PRICKLE2: variants seen among roughly 807,000 people sequenced by gnomAD.
PRICKLE2 encodes the protein prickle-like protein 2.
PRICKLE2 carries 21 observed loss-of-function variants against 81.4 expected under a neutral mutation model. The ratio of observed to expected loss-of-function variants is 0.26; its 90% CI spans 0.18 to 0.37. The LOEUF (loss-of-function observed/expected upper bound fraction) is 0.37. PRICKLE2 is among the 10% of genes least tolerant of loss of function. The pLI is 1.00. For synonymous variants in PRICKLE2, 456 were observed against 421.5 expected, an observed-to-expected ratio of 1.08 and a Z score of -1.00; for missense variants, 940 against 1,109.0, an observed-to-expected ratio of 0.85 and a Z score of 2.16.
In PRICKLE2 at chr3:64,094,807, G is replaced by T. The variant is rs1444454724; in HGVS notation, c.*4244C>A. 2 of 152,782 alleles carry T rather than the reference G, an allele frequency of 1.3e-5. No homozygotes were observed. Among genetic ancestry groups the T allele is most frequent in the East Asian group, 1.9e-4 (1 of 5,182 alleles). 9.5% of individuals were successfully genotyped at this position (152,782 alleles called of 1,614,324 possible). On this transcript the variant is annotated 3_prime_UTR_variant, in exon 8 of 8. Coordinates refer to ENST00000638394, the MANE Select transcript of PRICKLE2 (RefSeq NM_198859.4). ...GTGCTTAAAGAAATGTACCTCAAAA[G>T]GTGGCGATCTGAAACTGCCTTCAAC...
chr3:64,155,860 C>T (rs145608724), intron 5 of PRICKLE2, among the ~76,000 whole-genome samples: 2 of 151,966 alleles, frequency 1.3e-5, no homozygotes, highest in East Asian at 3.9e-4. Context: ...TTGCCAGGGG[C>T]TAGGGAAAGG....
chr3:64,144,250 A>G (rs960061943), intron 7 of PRICKLE2, among the ~76,000 whole-genome samples: 3 of 152,262 alleles, frequency 2.0e-5, no homozygotes, highest in Admixed American at 2.0e-4. Context: ...TCATATGCAC[A>G]GGTTCAAATC....
chr3:64,227,255 G>A (rs2079044165), upstream of PRICKLE2, among the ~76,000 whole-genome samples: 1 of 152,132 alleles, frequency 6.6e-6, no homozygotes, highest in African/African-American at 2.4e-5. Context: ...AACTCAGAGC[G>A]TGTAGGGAGG....
intron 1 of PRICKLE2, among the ~76,000 whole-genome samples, chr3:64,202,037 T>C (rs2078590924): frequency 6.6e-6 from 1 of 152,224 alleles, no homozygotes. Flanking sequence ...AAAAATCTAC[T>C]GACCATAGCT....
At chr3:64,261,069 AGAGTGCTGAAATAATGTCTC>A (rs2079609186) in intron 2 of PRICKLE2, among the ~76,000 whole-genome samples, 1 of 152,192 alleles carries the variant, frequency 6.6e-6, no homozygotes, top group African/African-American at 2.4e-5. Context: ...TCACTTGTAC[AGAGTGCTGAAATAATGTCTC>A]ACTCCAAGGG....
intron 7 of PRICKLE2, among the ~76,000 whole-genome samples, chr3:64,114,103 G>A (rs1002449106): frequency 7.2e-5 from 11 of 152,004 alleles, no homozygotes; most frequent in Admixed American, 1.3e-4. Flanking sequence ...TTGGGAGCTG[G>A]GTGTTGGCCC....
chr3:64,234,423 T>C (rs2079151490), intron 2 of PRICKLE2, among the ~76,000 whole-genome samples: 1 of 152,214 alleles, frequency 6.6e-6, no homozygotes, highest in Non-Finnish European at 1.5e-5. Context: ...ATGTTAAACA[T>C]CTTTTCATAT....
chr3:64,182,387 T>A (rs1224930334), intron 2 of PRICKLE2, among the ~76,000 whole-genome samples: 1 of 151,700 alleles, frequency 6.6e-6, no homozygotes, highest in Non-Finnish European at 1.5e-5. Context: ...CCTGGGAGGC[T>A]GAGGTGGGAG....
At chr3:64,130,663 A>T (rs2077184119) in intron 7 of PRICKLE2, among the ~76,000 whole-genome samples, 1 of 152,204 alleles carries the variant, frequency 6.6e-6, no homozygotes, top group Admixed American at 6.5e-5. Context: ...GAAGCTGGAA[A>T]CACAGGCACC....
intron 7 of PRICKLE2, among the ~76,000 whole-genome samples, chr3:64,137,858 T>C (rs1353527364): frequency 6.6e-6 from 1 of 152,102 alleles, no homozygotes; most frequent in East Asian, 1.9e-4. Context: ...TCCTTGGGGA[T>C]CTATGGGACC....
intron 1 of PRICKLE2, among the ~76,000 whole-genome samples, chr3:64,207,651 A>G (rs114859055): frequency 2.1e-3 from 326 of 152,268 alleles, no homozygotes; most frequent in African/African-American, 7.6e-3. Context: ...ATGTAATGTA[A>G]AAGATACCTC....
intron 7 of PRICKLE2, chr3:64,105,924 G>C (rs1209448590): frequency 6.6e-6 from 1 of 152,214 alleles, no homozygotes; most frequent in East Asian, 1.9e-4. Flanking sequence ...GTGATGATTA[G>C]ATGAGGAAAA....
chr3:64,241,179 C>G (rs1400887473), intron 2 of PRICKLE2, among the ~76,000 whole-genome samples: 1 of 152,188 alleles, frequency 6.6e-6, no homozygotes, highest in African/African-American at 2.4e-5. Context: ...TCAAAACAGG[C>G]ACCTACAAGT....
chr3:64,220,013 A>G (rs1014345269), intron 1 of PRICKLE2, among the ~76,000 whole-genome samples: 1 of 152,246 alleles, frequency 6.6e-6, no homozygotes, highest in African/African-American at 2.4e-5. Flanking sequence ...TGTGACAGTT[A>G]TCATACATCC....
At chr3:64,149,484 G>A (rs1012303763) in intron 6 of PRICKLE2, among the ~76,000 whole-genome samples, 1 of 152,230 alleles carries the variant, frequency 6.6e-6, no homozygotes, top group African/African-American at 2.4e-5. Context: ...CCCTTCCCGT[G>A]GGGAGAGCCT....
At chr3:64,154,148 T>C (rs907620104) in intron 5 of PRICKLE2, 1 of 152,198 alleles carries the variant, frequency 6.6e-6, no homozygotes, top group African/African-American at 2.4e-5. Context: ...GACCATTCCA[T>C]GGGGAAAAGA....
intron 7 of PRICKLE2, among the ~76,000 whole-genome samples, chr3:64,107,109 T>A (rs929844932): frequency 6.6e-6 from 1 of 152,156 alleles, no homozygotes; most frequent in African/African-American, 2.4e-5. Context: ...CAAATGTCCA[T>A]GCACCACAGG....
rs1253636100 is a variant in PRICKLE2, at chr3:64,198,970, G to T, written c.-40-3C>A. 11 of 1,613,372 alleles carry T rather than the reference G, an allele frequency of 6.8e-6. No homozygotes were observed. Among genetic ancestry groups the T allele is most frequent in the Non-Finnish European group, 9.3e-6 (11 of 1,179,976 alleles). On this transcript the variant is annotated splice_region_variant and splice_polypyrimidine_tract_variant and intron_variant, in intron 1 of 7. Transcript: ENST00000638394. Reference sequence around the variant, plus strand: ...ACTTGCAGTGCAGGCAGATCTTCCTGCAGGCAGTAAAGGTAGAAGGTGAGA... The same window carrying T: ...ACTTGCAGTGCAGGCAGATCTTCCTTCAGGCAGTAAAGGTAGAAGGTGAGA...
At chr3:64,190,411 C>G (rs1244003418) in intron 2 of PRICKLE2, 1 of 148,036 alleles carries the variant, frequency 6.8e-6, no homozygotes, top group Non-Finnish European at 1.5e-5. Flanking sequence ...TAAAAAAAAT[C>G]ACAACCTGAA....
Sources: gnomAD v4.1 joint callset for allele counts (sites outside exome capture counted in the v4.1 genomes callset) on GRCh38, gnomAD v4.1.1 for gene constraint, MANE v1.5 for transcripts, NCBI Gene and HGNC (gene_info 2026-07-23, HGNC 2026-07-21) for gene names.